Variants in BMAL2 observed in about 807,000 individuals in gnomAD.
The protein encoded by BMAL2 is basic helix-loop-helix ARNT like 2.
chr12:27,396,939 T>C, the BMAL2 span, among the ~76,000 whole-genome samples: 5 of 152,268 alleles, frequency 3.3e-5, no homozygotes, highest in African/African-American at 1.2e-4. Flanking sequence ...TCATTTTGTC[T>C]TCTGCTTTAA....
chr12:27,388,270 T>C, the BMAL2 span, among the ~76,000 whole-genome samples: 2 of 152,324 alleles, frequency 1.3e-5, no homozygotes, highest in Middle Eastern at 3.4e-3. Flanking sequence ...ATTCAGGATT[T>C]AGTCCTCAGC....
chr12:27,395,575 C>A, the BMAL2 span, among the ~76,000 whole-genome samples: 7 of 152,042 alleles, frequency 4.6e-5, no homozygotes, highest in African/African-American at 1.7e-4. Flanking sequence ...AAAAAACAAC[C>A]AAGCAGCATT....
At chr12:27,353,177 C>T in the BMAL2 span, among the ~76,000 whole-genome samples, 1 of 152,142 alleles carries the variant, frequency 6.6e-6, no homozygotes, top group South Asian at 2.1e-4. Context: ...CGACTTCAAA[C>T]TATACAAGGC....
the BMAL2 span, among the ~76,000 whole-genome samples, chr12:27,363,181 C>T: frequency 6.6e-6 from 1 of 152,112 alleles, no homozygotes; most frequent in South Asian, 2.1e-4. Flanking sequence ...TGTTAGTATT[C>T]CATTCAGTAA....
the BMAL2 span, among the ~76,000 whole-genome samples, chr12:27,410,322 A>T: frequency 6.6e-6 from 1 of 152,238 alleles, no homozygotes; most frequent in South Asian, 2.1e-4. Context: ...ACTATTCACA[A>T]TAGCAGAGAC....
At chr12:27,418,605 A>G in the BMAL2 span, among the ~76,000 whole-genome samples, 1 of 143,456 alleles carries the variant, frequency 7.0e-6, no homozygotes, top group African/African-American at 2.8e-5. Context: ...ACCTTGTCTG[A>G]AAAAAAAAAG....
the BMAL2 span, among the ~76,000 whole-genome samples, chr12:27,336,516 G>A: frequency 2.0e-5 from 3 of 152,172 alleles, no homozygotes; most frequent in African/African-American, 7.2e-5. Flanking sequence ...GCAATACTTA[G>A]CTATGTATGC....
the BMAL2 span, among the ~76,000 whole-genome samples, chr12:27,370,420 G>T: frequency 1.3e-5 from 2 of 152,086 alleles, no homozygotes; most frequent in Non-Finnish European, 2.9e-5. Context: ...GTCAAAGTAC[G>T]TGGTGCTGAC....
chr12:27,400,869 T>G, the BMAL2 span: 1 of 1,150,632 alleles, frequency 8.7e-7, no homozygotes. Flanking sequence ...TTCTTTTTCT[T>G]TTTTCTGTTT....
chr12:27,360,803 C>CAAAAAAAAAAAAAAAAAAA, the BMAL2 span, among the ~76,000 whole-genome samples: 301 of 46,768 alleles, frequency 6.4e-3, 73 homozygotes, highest in Admixed American at 0.03. Flanking sequence ...GTGATTTGTC[C>CAAAAAAAAAAAAAAAAAAA]AAAAAAAAAA....
At chr12:27,420,270 C>T in the BMAL2 span, 1 of 1,212,108 alleles carries the variant, frequency 8.3e-7, no homozygotes, top group Non-Finnish European at 1.2e-6. Flanking sequence ...TTCAAAAATA[C>T]ATTTTATGGT....
chr12:27,360,803 C>CAAAAAAAAAAATAAAAA, the BMAL2 span, among the ~76,000 whole-genome samples: 1 of 46,788 alleles, frequency 2.1e-5, no homozygotes, highest in Non-Finnish European at 3.8e-5. Context: ...GTGATTTGTC[C>CAAAAAAAAAAATAAAAA]AAAAAAAAAA....
the BMAL2 span, among the ~76,000 whole-genome samples, chr12:27,379,029 G>A: frequency 6.6e-6 from 1 of 150,892 alleles, no homozygotes; most frequent in African/African-American, 2.5e-5. Flanking sequence ...GATAGCTAGT[G>A]AGCTAAAAAA....
chr12:27,418,529 C>T, the BMAL2 span, among the ~76,000 whole-genome samples: 4 of 151,710 alleles, frequency 2.6e-5, no homozygotes, highest in East Asian at 7.7e-4. Context: ...TGCTTGAGCC[C>T]AGGAGTTCAA....
chr12:27,360,212 C>T, the BMAL2 span, among the ~76,000 whole-genome samples: 24 of 152,102 alleles, frequency 1.6e-4, no homozygotes, highest in African/African-American at 5.1e-4. Flanking sequence ...AGCTGGAGGA[C>T]ATTCTAGAAA....
the BMAL2 span, among the ~76,000 whole-genome samples, chr12:27,348,750 C>T: frequency 6.6e-6 from 1 of 152,288 alleles, no homozygotes; most frequent in East Asian, 1.9e-4. Context: ...CATAATCCAT[C>T]ATTTCCTCAA....
At chr12:27,383,878 C>T in the BMAL2 span, among the ~76,000 whole-genome samples, 1 of 152,106 alleles carries the variant, frequency 6.6e-6, no homozygotes, top group Non-Finnish European at 1.5e-5. Context: ...TCTGAGAAAA[C>T]TGTACTGAAT....
chr12:27,362,378 T>A, the BMAL2 span, among the ~76,000 whole-genome samples: 1 of 152,184 alleles, frequency 6.6e-6, no homozygotes, highest in African/African-American at 2.4e-5. Context: ...GACTGGAAAC[T>A]TAATTCCAAA....
At chr12:27,389,912 T>G in the BMAL2 span, 9 of 510,174 alleles carry the variant, frequency 1.8e-5, no homozygotes, top group African/African-American at 7.8e-5. Flanking sequence ...CAAAATGTGA[T>G]TGCTTGACAA....
Sources: gnomAD v4.1 joint callset for allele counts (sites outside exome capture counted in the v4.1 genomes callset) on GRCh38, gnomAD v4.1.1 for gene constraint, MANE v1.5 for transcripts, NCBI Gene and HGNC (gene_info 2026-07-23, HGNC 2026-07-21) for gene names.